DLG2: variants seen among roughly 807,000 people sequenced by gnomAD.
DLG2 encodes disks large homolog 2.
DLG2 carries 45 observed loss-of-function variants against 132.5 expected under a neutral mutation model. That is an observed-to-expected ratio of 0.34 (90% confidence interval 0.27 to 0.44). The LOEUF is 0.44. Among genes scored for constraint, DLG2 ranks in the 20% least tolerant of loss-of-function variants. DLG2 has a pLI of 1.00. For synonymous variants in DLG2, 424 were observed against 419.6 expected, an observed-to-expected ratio of 1.01 and a Z score of -0.13; for missense variants, 1,045 against 1,196.9, an observed-to-expected ratio of 0.87 and a Z score of 1.87.
chr11:85,529,983 G>GTTTTTT (rs1382607843), intron 3 of DLG2, among the ~76,000 whole-genome samples: 1 of 130,644 alleles, frequency 7.7e-6, no homozygotes, highest in Non-Finnish European at 1.6e-5. Context: ...CCTAGAGAGG[G>GTTTTTT]TTTGTTTTTT....
chr11:85,335,301 A>G (rs1360737642), intron 3 of DLG2, among the ~76,000 whole-genome samples: 2 of 150,248 alleles, frequency 1.3e-5, no homozygotes, highest in African/African-American at 2.5e-5. Flanking sequence ...ACTTTGAGCT[A>G]TGGGTGTCAC....
At position 84,834,053 on chromosome 11, in the gene DLG2, C is replaced by T. The variant is rs536895232; in HGVS notation, c.357+277608G>A. Among the ~76,000 whole-genome samples, 7 of 151,768 alleles carry T rather than the reference C, an allele frequency of 4.6e-5. No individual in the cohort carries two copies. In the East Asian group the frequency reaches 1.4e-3, roughly 30 times the overall value. ...TTCATAAAATAATAAATACACTTCT[C>T]TGGATAGAAACTGTGTTAGATATTT... On this transcript the variant is annotated intron_variant, in intron 6 of 27. Transcript: ENST00000376104.
intron 6 of DLG2, among the ~76,000 whole-genome samples, chr11:84,769,707 A>G (rs1457523302): frequency 3.9e-5 from 6 of 152,312 alleles, no homozygotes; most frequent in African/African-American, 1.4e-4. Context: ...ATGCTAAAGA[A>G]AAAAATCTTT....
chr11:84,290,927 T>TG (rs1222278958), intron 7 of DLG2, among the ~76,000 whole-genome samples: 59 of 152,226 alleles, frequency 3.9e-4, no homozygotes, highest in Non-Finnish European at 6.8e-4. Flanking sequence ...TTTTATTGTC[T>TG]CATCTAAAAA....
At chr11:84,345,617 T>C (rs1359911682) in intron 7 of DLG2, among the ~76,000 whole-genome samples, 2 of 152,158 alleles carry the variant, frequency 1.3e-5, no homozygotes, top group African/African-American at 4.8e-5. Context: ...GAAGATGGTG[T>C]CACAATCTAT....
intron 9 of DLG2, among the ~76,000 whole-genome samples, chr11:84,106,961 A>ACT (rs2092988343): frequency 1.5e-5 from 2 of 135,150 alleles, no homozygotes. Flanking sequence ...AGAAAGAGAG[A>ACT]GAGAGTTTTA....
intron 21 of DLG2, among the ~76,000 whole-genome samples, chr11:83,490,220 A>G (rs1440148701): frequency 6.9e-6 from 1 of 144,704 alleles, no homozygotes; most frequent in Non-Finnish European, 1.5e-5. Context: ...ACCAAACACA[A>G]AACAAATAAA....
At chr11:85,483,304 A>T (rs573613796) in intron 3 of DLG2, among the ~76,000 whole-genome samples, 30 of 152,312 alleles carry the variant, frequency 2.0e-4, no homozygotes, top group Non-Finnish European at 3.7e-4. Context: ...GAGTGAGATG[A>T]TGTATTCAAA....
chr11:84,254,487 G>A (rs1237363659), intron 7 of DLG2, among the ~76,000 whole-genome samples: 2 of 152,078 alleles, frequency 1.3e-5, no homozygotes, highest in Non-Finnish European at 2.9e-5. Context: ...AGAATTTATT[G>A]ACTAAAGGTA....
chr11:83,506,156 T>C (rs530613272), intron 21 of DLG2, among the ~76,000 whole-genome samples: 7 of 152,186 alleles, frequency 4.6e-5, no homozygotes, highest in Non-Finnish European at 1.0e-4. Flanking sequence ...TAGTCAAACG[T>C]TCAGTTTCCA....
chr11:83,662,540 G>A (rs2074548993), intron 18 of DLG2, among the ~76,000 whole-genome samples: 1 of 152,154 alleles, frequency 6.6e-6, no homozygotes, highest in Admixed American at 6.5e-5. Flanking sequence ...TCTATGGAAT[G>A]CATCAATACA....
intron 6 of DLG2, among the ~76,000 whole-genome samples, chr11:84,856,871 T>C (rs112549530): frequency 1.3e-5 from 2 of 149,548 alleles, no homozygotes; most frequent in Non-Finnish European, 1.5e-5. Context: ...GTAAAGAAAA[T>C]AAATCTGAGG....
chr11:84,419,988 A>C (rs1385273772), intron 7 of DLG2, among the ~76,000 whole-genome samples: 2 of 152,216 alleles, frequency 1.3e-5, no homozygotes, highest in African/African-American at 4.8e-5. Flanking sequence ...GATGAAACTC[A>C]TTTCACTAGA....
At chr11:83,882,107 C>A (rs2066436639) in intron 15 of DLG2, among the ~76,000 whole-genome samples, 1 of 151,932 alleles carries the variant, frequency 6.6e-6, no homozygotes, top group East Asian at 1.9e-4. Context: ...TGAAATAGAA[C>A]TTCAGAAAAA....
intron 8 of DLG2, among the ~76,000 whole-genome samples, chr11:84,174,749 T>C (rs1310577227): frequency 6.6e-6 from 1 of 152,168 alleles, no homozygotes; most frequent in Non-Finnish European, 1.5e-5. Flanking sequence ...GAATCAAAAA[T>C]ATTTTTCTTA....
chr11:83,556,931 C>G (rs111900101), intron 19 of DLG2, among the ~76,000 whole-genome samples: 2 of 152,142 alleles, frequency 1.3e-5, no homozygotes, highest in Non-Finnish European at 2.9e-5. Context: ...AGTGGTACTT[C>G]AAACCAGCAA....
intron 4 of DLG2, among the ~76,000 whole-genome samples, chr11:85,192,092 G>A (rs141798127): frequency 2.0e-4 from 30 of 152,232 alleles, no homozygotes; most frequent in African/African-American, 5.3e-4. Context: ...AAATTTACAC[G>A]CTTATCATGG....
chr11:84,592,443 C>T (rs1053600022), intron 6 of DLG2, among the ~76,000 whole-genome samples: 3 of 152,002 alleles, frequency 2.0e-5, no homozygotes, highest in African/African-American at 4.8e-5. Context: ...AAAGCAATGG[C>T]AACAAAAACC....
chr11:84,146,311 T>C (rs997971335), intron 9 of DLG2, among the ~76,000 whole-genome samples: 3 of 152,198 alleles, frequency 2.0e-5, no homozygotes, highest in Non-Finnish European at 4.4e-5. Flanking sequence ...TAAATAATAA[T>C]TTAATTGTAC....
Sources: gnomAD v4.1 joint callset for allele counts (sites outside exome capture counted in the v4.1 genomes callset) on GRCh38, gnomAD v4.1.1 for gene constraint, MANE v1.5 for transcripts, NCBI Gene and HGNC (gene_info 2026-07-23, HGNC 2026-07-21) for gene names.